Variants in BLTP2 observed in about 807,000 individuals in gnomAD.
BLTP2 encodes the protein U937-associated antigen.
At chr17:28,641,352 T>C in the BLTP2 span, among the ~76,000 whole-genome samples, 2 of 152,108 alleles carry the variant, frequency 1.3e-5, no homozygotes, top group African/African-American at 2.4e-5. Context: ...ATAAAACACA[T>C]AGTACAAGGC....
At chr17:28,624,031 C>T in the BLTP2 span, 2 of 1,473,654 alleles carry the variant, frequency 1.4e-6, no homozygotes, top group Non-Finnish European at 1.9e-6. Flanking sequence ...CACATTGTAT[C>T]AACCACTGCA....
the BLTP2 span, chr17:28,639,560 C>A: frequency 3.1e-6 from 5 of 1,613,632 alleles, no homozygotes; most frequent in African/African-American, 2.7e-5. Context: ...ATTCTTGGTA[C>A]CACAATCATC....
chr17:28,633,001 G>A, the BLTP2 span: 1 of 1,577,776 alleles, frequency 6.3e-7, no homozygotes. Flanking sequence ...CGAGCGAAAG[G>A]CCCGGTAGGA....
the BLTP2 span, chr17:28,644,222 T>C: frequency 6.2e-7 from 1 of 1,603,972 alleles, no homozygotes; most frequent in African/African-American, 1.3e-5. Flanking sequence ...ATAGGACCTT[T>C]TTCCAATGAT....
chr17:28,641,024 T>C, the BLTP2 span, among the ~76,000 whole-genome samples: 1 of 152,268 alleles, frequency 6.6e-6, no homozygotes, highest in East Asian at 1.9e-4. Context: ...TCCTTATTTG[T>C]GAAATGCTGA....
the BLTP2 span, chr17:28,640,818 A>G: frequency 1.3e-6 from 1 of 759,314 alleles, no homozygotes; most frequent in Non-Finnish European, 2.1e-6. Context: ...ATGGACCATA[A>G]GGCGAATGCC....
the BLTP2 span, chr17:28,633,016 T>C: frequency 3.2e-6 from 5 of 1,584,492 alleles, no homozygotes; most frequent in Admixed American, 1.8e-5. Flanking sequence ...GTAGGAGTCA[T>C]GAAGCTGGCC....
At chr17:28,635,307 G>T in the BLTP2 span, 1 of 1,614,150 alleles carries the variant, frequency 6.2e-7, no homozygotes, top group Non-Finnish European at 8.5e-7. Context: ...CTCCATGCCG[G>T]CTCAGTGACA....
At chr17:28,621,388 G>T in the BLTP2 span, 2 of 1,607,406 alleles carry the variant, frequency 1.2e-6, no homozygotes, top group Non-Finnish European at 1.7e-6. Context: ...CAGAGGAGGG[G>T]GAGGGCTGAC....
chr17:28,633,795 C>T, the BLTP2 span: 1 of 1,600,858 alleles, frequency 6.2e-7, no homozygotes, highest in South Asian at 1.1e-5. Context: ...ACAACATTAC[C>T]CCTCTCTTCC....
the BLTP2 span, among the ~76,000 whole-genome samples, chr17:28,622,078 G>A: frequency 6.6e-6 from 1 of 152,146 alleles, no homozygotes; most frequent in Admixed American, 6.5e-5. Context: ...TCTAATGCTA[G>A]TATCGCAGCC....
chr17:28,639,133 G>A, the BLTP2 span: 1 of 647,056 alleles, frequency 1.5e-6, no homozygotes, highest in Non-Finnish European at 2.7e-6. Context: ...AAAGAGGACA[G>A]CATTCTGCTA....
At chr17:28,615,868 C>T in the BLTP2 span, 17 of 1,549,756 alleles carry the variant, frequency 1.1e-5, no homozygotes, top group Admixed American at 3.0e-4. Context: ...TTTTGAGTCC[C>T]AGCCAGCCAC....
the BLTP2 span, chr17:28,637,224 T>G: frequency 7.3e-7 from 1 of 1,364,700 alleles, no homozygotes; most frequent in Non-Finnish European, 1.0e-6. Flanking sequence ...AGGGCAACAA[T>G]AGTCCTCACT....
At chr17:28,618,821 T>A in the BLTP2 span, 2 of 1,614,068 alleles carry the variant, frequency 1.2e-6, no homozygotes, top group East Asian at 2.2e-5. Flanking sequence ...GCAGTTCTAA[T>A]TCAGCAATTC....
At chr17:28,620,475 G>A in the BLTP2 span, 1 of 1,612,160 alleles carries the variant, frequency 6.2e-7, no homozygotes, top group South Asian at 1.1e-5. Flanking sequence ...GTTCCTGTGA[G>A]GCTAACCAGC....
At chr17:28,633,781 G>A in the BLTP2 span, 4 of 1,606,028 alleles carry the variant, frequency 2.5e-6, no homozygotes, top group African/African-American at 4.0e-5. Context: ...GCTATAACTT[G>A]TTCACAACAT....
chr17:28,628,898 C>T, the BLTP2 span, among the ~76,000 whole-genome samples: 1 of 151,450 alleles, frequency 6.6e-6, no homozygotes. Context: ...CACACCACTG[C>T]ACTCTAGCCC....
the BLTP2 span, among the ~76,000 whole-genome samples, chr17:28,640,196 C>T: frequency 1.3e-5 from 2 of 152,098 alleles, no homozygotes; most frequent in Non-Finnish European, 2.9e-5. Context: ...AGATCGAGAC[C>T]ATCCTGGCCA....
Sources: gnomAD v4.1 joint callset for allele counts (sites outside exome capture counted in the v4.1 genomes callset) on GRCh38, gnomAD v4.1.1 for gene constraint, MANE v1.5 for transcripts, NCBI Gene and HGNC (gene_info 2026-07-23, HGNC 2026-07-21) for gene names.